Variants in ANTXR2 observed in about 807,000 individuals in gnomAD.
ANTXR2 encodes anthrax toxin receptor 2.
ANTXR2 carries 44 observed loss-of-function variants against 73.7 expected under a neutral mutation model. The ratio of observed to expected loss-of-function variants is 0.60; its 90% CI spans 0.47 to 0.77. The LOEUF (loss-of-function observed/expected upper bound fraction) is 0.77. ANTXR2 is among the 30% of genes least tolerant of loss of function. The pLI, the probability that ANTXR2 is intolerant of heterozygous loss-of-function variation, is 0.00. For missense variants in ANTXR2, 604 were observed against 592.5 expected (o/e 1.02, Z -0.20); for synonymous variants, 217 against 205.9 (o/e 1.05, Z -0.46).
At chr4:79,925,617 A>C (rs964787174) in intron 16 of ANTXR2, among the ~76,000 whole-genome samples, 21 of 152,106 alleles carry the variant, frequency 1.4e-4, no homozygotes, top group African/African-American at 4.8e-4. Context: ...AGGTTCTGCA[A>C]AATTTATTTC....
intron 3 of ANTXR2, among the ~76,000 whole-genome samples, chr4:80,067,372 A>C (rs1430185823): frequency 6.6e-6 from 1 of 152,212 alleles, no homozygotes; most frequent in East Asian, 1.9e-4. Flanking sequence ...AGTGACCTAC[A>C]CTTCATCTTC....
At chr4:79,957,940 C>T (rs1200373353) in intron 16 of ANTXR2, among the ~76,000 whole-genome samples, 3 of 152,002 alleles carry the variant, frequency 2.0e-5, no homozygotes, top group Non-Finnish European at 4.4e-5. Flanking sequence ...GTGATTAGGG[C>T]TGCAATAGTG....
At chr4:79,915,653 A>G (rs1051179396) in intron 16 of ANTXR2, among the ~76,000 whole-genome samples, 2 of 152,150 alleles carry the variant, frequency 1.3e-5, no homozygotes, top group African/African-American at 4.8e-5. Flanking sequence ...CCACACGCAT[A>G]GACACAGAGA....
chr4:80,034,860 T>C (rs1732883192), intron 8 of ANTXR2, among the ~76,000 whole-genome samples: 1 of 152,140 alleles, frequency 6.6e-6, no homozygotes, highest in South Asian at 2.1e-4. Context: ...CCACTTTTCA[T>C]TTACTATGTT....
intron 16 of ANTXR2, chr4:79,964,897 CG>C (rs1038868006): frequency 1.3e-5 from 2 of 152,390 alleles, no homozygotes; most frequent in Middle Eastern, 3.4e-3. Flanking sequence ...AATCAAAGCC[CG>C]GGCCCGGCGT....
At chr4:79,963,064 CA>C (rs1478187418) in intron 16 of ANTXR2, among the ~76,000 whole-genome samples, 1 of 152,068 alleles carries the variant, frequency 6.6e-6, no homozygotes, top group Non-Finnish European at 1.5e-5. Flanking sequence ...CTCTACCATC[CA>C]GATGCTTATT....
chr4:79,918,108 G>A lies in ANTXR2; in HGVS notation c.1429-10641C>T, dbSNP rs1319869816. The stretch of plus-strand genomic sequence containing the variant: ...TATTTGATTGGTGTTAAAGTAGAAC[G>A]GACACAGCAGAAGAAACACTCACTG... On this transcript the variant is annotated intron_variant, in intron 16 of 16. Coordinates refer to ENST00000403729, the MANE Select transcript of ANTXR2 (RefSeq NM_058172.6). Among the ~76,000 whole-genome samples, 6 of 151,886 alleles carry A rather than the reference G, an allele frequency of 4.0e-5. No individual in the cohort carries two copies. The East Asian group carries it at 7.7e-4, about 20-fold the overall frequency.
At chr4:79,915,600 G>A (rs1295064948) in intron 16 of ANTXR2, among the ~76,000 whole-genome samples, 2 of 151,918 alleles carry the variant, frequency 1.3e-5, no homozygotes, top group African/African-American at 2.4e-5. Flanking sequence ...TGTTGTGTAC[G>A]ACAGTAAAGA....
chr4:79,999,660 T>C (rs1001446996), intron 12 of ANTXR2, among the ~76,000 whole-genome samples: 1 of 152,092 alleles, frequency 6.6e-6, no homozygotes, highest in Non-Finnish European at 1.5e-5. Context: ...GAAATATGTA[T>C]GTTTCTTTAT....
chr4:79,913,536 C>T (rs1285112119), intron 16 of ANTXR2, among the ~76,000 whole-genome samples: 1 of 152,050 alleles, frequency 6.6e-6, no homozygotes, highest in African/African-American at 2.4e-5. Flanking sequence ...AATTTTCATA[C>T]CACATCAAAC....
intron 16 of ANTXR2, chr4:79,964,755 T>G (rs1212521952): frequency 6.6e-6 from 1 of 152,082 alleles, no homozygotes; most frequent in Non-Finnish European, 1.5e-5. Context: ...GGCCGCTAGC[T>G]GCGGGATGGG....
At chr4:79,972,996 A>G (rs767107469) in intron 16 of ANTXR2, among the ~76,000 whole-genome samples, 21 of 151,968 alleles carry the variant, frequency 1.4e-4, no homozygotes, top group Middle Eastern at 3.4e-3. Flanking sequence ...AAATTAACAT[A>G]TAAAAATGTA....
chr4:80,052,790 C>T (rs1043988557), intron 7 of ANTXR2, among the ~76,000 whole-genome samples: 2 of 151,570 alleles, frequency 1.3e-5, no homozygotes, highest in African/African-American at 4.8e-5. Context: ...AAGTTACATT[C>T]TAGAGGTTCC....
At chr4:80,052,051 G>A (rs531045230) in intron 7 of ANTXR2, among the ~76,000 whole-genome samples, 4 of 151,110 alleles carry the variant, frequency 2.6e-5, no homozygotes, top group African/African-American at 9.7e-5. Flanking sequence ...CAATGAGCAG[G>A]AAAAAAAATT....
intron 14 of ANTXR2, among the ~76,000 whole-genome samples, chr4:79,981,041 A>G (rs1001024349): frequency 1.3e-5 from 2 of 152,122 alleles, no homozygotes; most frequent in African/African-American, 4.8e-5. Flanking sequence ...GAGAATCGAG[A>G]GAATCGCTTG....
chr4:80,057,950 C>T lies in ANTXR2; in HGVS notation c.297-1937G>A, dbSNP rs528379130. Among the ~76,000 whole-genome samples, 6 of 152,088 alleles carry T rather than the reference C, an allele frequency of 3.9e-5. No homozygotes were observed. The South Asian group carries it at 1.2e-3, about 32-fold the overall frequency. On this transcript the variant is annotated intron_variant, in intron 3 of 16. Transcript: ENST00000403729. ...TAGCATAAGTTATGTAATTCATAAGCTTGTTGTATCTAAAATATTTACGTT... is the reference window on the plus strand; with the variant it reads ...TAGCATAAGTTATGTAATTCATAAGTTTGTTGTATCTAAAATATTTACGTT...
chr4:80,069,538 A>C, intron 2 of ANTXR2, 31 bp from the exon 3 acceptor site: 1 of 1,500,962 alleles, frequency 6.7e-7, no homozygotes, highest in African/African-American at 1.4e-5. Context: ...CAGTTAAAAC[A>C]TTTTTAAAAA....
intron 16 of ANTXR2, among the ~76,000 whole-genome samples, chr4:79,951,798 G>A (rs1728719672): frequency 6.6e-6 from 1 of 151,968 alleles, no homozygotes; most frequent in Non-Finnish European, 1.5e-5. Flanking sequence ...TTACCTCTTG[G>A]TCTGAAGTAT....
At chr4:79,989,414 T>C (rs1305332295) in intron 12 of ANTXR2, among the ~76,000 whole-genome samples, 3 of 151,878 alleles carry the variant, frequency 2.0e-5, no homozygotes, top group Non-Finnish European at 4.4e-5. Flanking sequence ...CCTAAAAACA[T>C]ACACTTCTGA....
Sources: allele counts gnomAD v4.1 joint callset (sites outside exome capture counted in the v4.1 genomes callset), GRCh38; gene constraint gnomAD v4.1.1; transcripts MANE v1.5; gene names NCBI Gene and HGNC (gene_info 2026-07-23, HGNC 2026-07-21).